The following GINS1 variants were observed in gnomAD, a reference collection of about 807,000 sequenced individuals.
GINS1 encodes DNA replication complex GINS protein PSF1.
Under a neutral mutation model 34.9 loss-of-function variants are expected in GINS1, and 26 were observed. The ratio of observed to expected loss-of-function variants is 0.74; its 90% CI spans 0.55 to 1.03. The LOEUF (loss-of-function observed/expected upper bound fraction) is 1.03. Ranked by LOEUF, GINS1 falls within the 50% of genes least tolerant of loss-of-function variation. The pLI is 0.00. For missense variants in GINS1, 235 were observed against 237.9 expected, an observed-to-expected ratio of 0.99 and a Z score of 0.08; for synonymous variants, 97 against 84.4, an observed-to-expected ratio of 1.15 and a Z score of -0.82.
chr20:25,410,521 A>G (rs1368509533), intron 1 of GINS1, among the ~76,000 whole-genome samples: 1 of 152,132 alleles, frequency 6.6e-6, no homozygotes, highest in Admixed American at 6.6e-5. Context: ...AGGAAGGCTG[A>G]CAGTGGATCT....
chr20:25,417,146 T>C lies in GINS1; in HGVS notation c.183T>C (p.Thr61=), dbSNP rs773469644. ...GTGGACGAAGTGATTTGATACCAAC[T>C]ATCAAATTTCGACACTGTTCTCTGT... ...KSGGRSDLIP[T]IKFRHCSLLR... Residue 61 remains threonine (T), a synonymous_variant, in exon 3 of 7, where the codon ACT becomes ACC. Transcript: ENST00000262460. The C allele has an allele frequency of 2.5e-6, 4 of 1,596,960 alleles. No homozygotes were observed. Among genetic ancestry groups the C allele is most frequent in the Non-Finnish European group, 3.4e-6 (4 of 1,165,122 alleles).
chr20:25,429,404 C>T (rs1326497190), intron 5 of GINS1, among the ~76,000 whole-genome samples: 1 of 152,144 alleles, frequency 6.6e-6, no homozygotes, highest in African/African-American at 2.4e-5. Context: ...TTGTGTAGGT[C>T]ACTTAGGGTG....
intron 6 of GINS1, among the ~76,000 whole-genome samples, chr20:25,442,770 T>C (rs1232806276): frequency 2.6e-5 from 4 of 151,516 alleles, no homozygotes; most frequent in African/African-American, 9.7e-5. Flanking sequence ...CTACACCCAG[T>C]TAATTTTTGT....
intron 5 of GINS1, among the ~76,000 whole-genome samples, chr20:25,432,864 A>G (rs1471957235): frequency 3.4e-5 from 5 of 148,516 alleles, no homozygotes; most frequent in Non-Finnish European, 7.4e-5. Context: ...TTTATTATAT[A>G]TTAACTTATA....
intron 5 of GINS1, among the ~76,000 whole-genome samples, chr20:25,438,028 A>G (rs2090463060): frequency 6.6e-6 from 1 of 151,414 alleles, no homozygotes; most frequent in Non-Finnish European, 1.5e-5. Flanking sequence ...TTGAGGCGGG[A>G]GAATCGCTTG....
intron 6 of GINS1, among the ~76,000 whole-genome samples, chr20:25,442,022 G>A (rs1418834137): frequency 6.6e-6 from 1 of 152,050 alleles, no homozygotes; most frequent in Non-Finnish European, 1.5e-5. Flanking sequence ...TTTTCTAGGG[G>A]AATTACCATA....
chr20:25,416,404 A>T (rs2090320948), intron 2 of GINS1, among the ~76,000 whole-genome samples: 1 of 152,206 alleles, frequency 6.6e-6, no homozygotes, highest in Admixed American at 6.5e-5. Context: ...AGGATGGGAC[A>T]TGTATTTTGC....
At position 25,442,433 on chromosome 20, in the gene GINS1, G is replaced by A. The variant is rs2090487295; in HGVS notation, c.522+657G>A. Among the ~76,000 whole-genome samples the A allele has an allele frequency of 2.0e-5, 3 of 151,930 alleles. No individual in the cohort carries two copies. The South Asian group carries it at 6.2e-4, about 32-fold the overall frequency. The stretch of plus-strand genomic sequence containing the variant: ...GGGCCTTGCTATGTTGACCATGCTA[G>A]TCTCAAACTCTCCTGGGCTCAAGCA... On this transcript the variant is annotated intron_variant, in intron 6 of 6. Transcript: ENST00000262460.
intron 2 of GINS1, among the ~76,000 whole-genome samples, 174 bp downstream of exon 2, chr20:25,414,028 A>T (rs1465943687): frequency 1.3e-5 from 2 of 151,964 alleles, no homozygotes; most frequent in Non-Finnish European, 2.9e-5. Flanking sequence ...TGTCTCTACT[A>T]AAAATACAAA....
intron 4 of GINS1, chr20:25,421,052 C>A: frequency 5.8e-6 from 4 of 686,452 alleles, no homozygotes; most frequent in African/African-American, 1.9e-5. Flanking sequence ...CTGTATTACC[C>A]AAGGATAGTG....
chr20:25,429,499 C>A (rs2087059722), intron 5 of GINS1, among the ~76,000 whole-genome samples: 1 of 152,134 alleles, frequency 6.6e-6, no homozygotes, highest in South Asian at 2.1e-4. Context: ...TTTTCTTCAG[C>A]AGTGTTTTTT....
In GINS1 at chr20:25,413,827, C is replaced by T; in HGVS notation, c.113C>T (p.Ala38Val). The change falls in exon 2 of 7, where the codon GCT becomes GTT. Residue 38 changes from alanine to valine, a missense_variant. Coordinates refer to ENST00000262460, the MANE Select transcript of GINS1 (RefSeq NM_021067.5). ...GLRQVLEEMK[A>V]LYEQNQSDVN... Reference sequence around the variant, plus strand: ...AGACAAGTTCTGGAGGAGATGAAAGCTTTGTATGAACAAAACCAGTCTGAT... The same window carrying T: ...AGACAAGTTCTGGAGGAGATGAAAGTTTTGTATGAACAAAACCAGTCTGAT... 1 of 1,579,364 alleles carries T rather than the reference C, an allele frequency of 6.3e-7. No homozygotes were observed. The highest frequency in any genetic ancestry group is 8.7e-7 in the Non-Finnish European group (1 of 1,148,298).
At position 25,446,462 on chromosome 20, in the gene GINS1, C is replaced by G. The variant is rs1331142276; in HGVS notation, c.*471C>G. 2 of 153,104 alleles carry G rather than the reference C, an allele frequency of 1.3e-5. No homozygotes were observed. The highest frequency in any genetic ancestry group is 1.5e-5 in the Non-Finnish European group (1 of 68,818). The allele number at this position is 153,104 out of a possible 1,614,324, so 9.5% of individuals were successfully genotyped here. A position where few individuals can be genotyped will look rare whatever the true frequency, so the allele number is the denominator to read the frequency against. On this transcript the variant is annotated 3_prime_UTR_variant, in exon 7 of 7. Coordinates refer to ENST00000262460, the MANE Select transcript of GINS1 (RefSeq NM_021067.5). ...TTAAATAAGCAGTCACTTGGCTGGA[C>G]AGGAAGAAGGTAGATCCTGTGTGTC...
In GINS1 at chr20:25,446,216, T is replaced by C. The variant is rs2090511808; in HGVS notation, c.*225T>C. ...ACTCTTTTTTGGTTTTGGTTTTGTTTTGTAGAGACTGTCTCACTATGTTGC... is the reference window on the plus strand; with the variant it reads ...ACTCTTTTTTGGTTTTGGTTTTGTTCTGTAGAGACTGTCTCACTATGTTGC... On this transcript the variant is annotated 3_prime_UTR_variant, in exon 7 of 7. Coordinates refer to ENST00000262460, the MANE Select transcript of GINS1 (RefSeq NM_021067.5). 1 of 383,986 alleles carries C rather than the reference T, an allele frequency of 2.6e-6. No individual in the cohort carries two copies. The highest frequency in any genetic ancestry group is 2.1e-5 in the African/African-American group (1 of 48,214). The allele number at this position is 383,986 out of a possible 1,614,324, so 23.8% of individuals were successfully genotyped here.
At chr20:25,440,092 G>A (rs115602308) in intron 5 of GINS1, among the ~76,000 whole-genome samples, 1 of 151,862 alleles carries the variant, frequency 6.6e-6, no homozygotes, top group African/African-American at 2.4e-5. Flanking sequence ...GGAGTGCACT[G>A]GTGTGATCTC....
In GINS1 at chr20:25,415,000, C is replaced by T. The variant is rs116456807; in HGVS notation, c.140+1146C>T. Reference sequence around the variant, plus strand: ...GGGCGTATGACAAACTTCGTATGTTCCTGTGCGACACCAAAGGGAGTCAAG... The same window carrying T: ...GGGCGTATGACAAACTTCGTATGTTTCTGTGCGACACCAAAGGGAGTCAAG... On this transcript the variant is annotated intron_variant, in intron 2 of 6. Coordinates refer to ENST00000262460, the MANE Select transcript of GINS1 (RefSeq NM_021067.5). Among the ~76,000 whole-genome samples the T allele has an allele frequency of 3.0e-3, 450 of 152,244 alleles. 1 individual carries two copies. Among genetic ancestry groups the T allele is most frequent in the African/African-American group, 0.01 (426 of 41,538 alleles).
At chr20:25,412,357 C>T (rs1417762949) in intron 1 of GINS1, among the ~76,000 whole-genome samples, 1 of 151,766 alleles carries the variant, frequency 6.6e-6, no homozygotes, top group African/African-American at 2.4e-5. Context: ...AGTTCAAGAC[C>T]AGCCTGGCCA....
chr20:25,413,221 G>A (rs928653779), intron 1 of GINS1, among the ~76,000 whole-genome samples: 1 of 151,926 alleles, frequency 6.6e-6, no homozygotes, highest in African/African-American at 2.4e-5. Flanking sequence ...GCTAATTTTT[G>A]TATATTTAGG....
intron 1 of GINS1, among the ~76,000 whole-genome samples, chr20:25,409,289 T>TATGGGGAATGGATTG (rs2090268408): frequency 6.6e-6 from 1 of 152,150 alleles, no homozygotes; most frequent in South Asian, 2.1e-4. Flanking sequence ...GCGGCAGCAA[T>TATGGGGAATGGATTG]ATGGGGAATG....
Sources: gnomAD v4.1 joint callset for allele counts (sites outside exome capture counted in the v4.1 genomes callset) on GRCh38, gnomAD v4.1.1 for gene constraint, MANE v1.5 for transcripts, NCBI Gene and HGNC (gene_info 2026-07-23, HGNC 2026-07-21) for gene names.